PKD1L1: variants seen among roughly 807,000 people sequenced by gnomAD.
PKD1L1 encodes polycystin 1 like 1, transient receptor potential channel interacting, also known as polycystin-1-like protein 1.
A neutral mutation model predicts 323.4 loss-of-function variants in PKD1L1; 236 were observed. That is an observed-to-expected ratio of 0.73 (90% CI 0.66 to 0.81). The LOEUF (loss-of-function observed/expected upper bound fraction) is 0.81, where lower values mean the gene tolerates loss of function less well. Ranked by LOEUF, PKD1L1 falls within the 40% of genes least tolerant of loss-of-function variation. The probability of loss-of-function intolerance (pLI) is 0.00; values close to 1 mark genes in which losing one functional copy is unlikely to be tolerated. For missense variants in PKD1L1, 3,320 were observed against 3,508.0 expected, an observed-to-expected ratio of 0.95 and a Z score of 1.35; for synonymous variants, 1,344 against 1,335.0, an observed-to-expected ratio of 1.01 and a Z score of -0.15.
Position 47,792,765 on chromosome 7 carries a change from T to TAAC in PKD1L1, c.8385_8387dup (p.Leu2796dup), listed in dbSNP as rs771657604. On this transcript the variant is annotated inframe_insertion, in exon 56 of 57. Transcript: ENST00000289672. ...CATTAATCTTCATCAGAAGTTCGTCTAACAGATTTGCAAATTCATCCAAGT... is the reference window on the plus strand; with the variant it reads ...CATTAATCTTCATCAGAAGTTCGTCTAACAACAGATTTGCAAATTCATCCAAGT... 1 of 1,613,830 alleles carries TAAC rather than the reference T, an allele frequency of 6.2e-7. No individual in the cohort carries two copies. Among genetic ancestry groups the TAAC allele is most frequent in the Non-Finnish European group, 8.5e-7 (1 of 1,179,890 alleles).
At chr7:47,876,053 G>A (rs4724654) in intron 23 of PKD1L1, 44 bp downstream of exon 23, 1 of 1,597,214 alleles carries the variant, frequency 6.3e-7, no homozygotes, top group Non-Finnish European at 8.6e-7. Context: ...GTTTAGAACT[G>A]TAGGTTGGCA....
intron 26 of PKD1L1, among the ~76,000 whole-genome samples, 176 bp downstream of exon 26, chr7:47,865,040 C>G (rs1433973980): frequency 6.6e-6 from 1 of 152,022 alleles, no homozygotes; most frequent in African/African-American, 2.4e-5. Context: ...TTCCAAATTT[C>G]TATATTCAAA....
chr7:47,899,913 ACC>A lies in PKD1L1; in HGVS notation c.2065-1721_2065-1720del, dbSNP rs1787045712. Among the ~76,000 whole-genome samples, 3 of 135,200 alleles carry A rather than the reference ACC, an allele frequency of 2.2e-5. No homozygotes were observed. In the South Asian group the frequency reaches 7.0e-4, roughly 32 times the overall value. 88.7% of individuals were successfully genotyped at this position (135,200 alleles called of 152,430 possible). On this transcript the variant is annotated intron_variant, in intron 13 of 56. Transcript: ENST00000289672. ...GGAGCTTGCAGTGAGCCCAGATTGC[ACC>A]ACTGCACTCCCTCCTAGGCAACAGA...
At chr7:47,921,238 C>CAAAAA (rs139205889) in intron 7 of PKD1L1, among the ~76,000 whole-genome samples, 4 of 79,580 alleles carry the variant, frequency 5.0e-5, no homozygotes, top group African/African-American at 5.2e-5. Context: ...AGACAATTCT[C>CAAAAA]AAAAAAAAAA....
intron 15 of PKD1L1, among the ~76,000 whole-genome samples, chr7:47,892,920 A>G (rs1377073095): frequency 6.6e-6 from 1 of 152,162 alleles, no homozygotes; most frequent in Non-Finnish European, 1.5e-5. Flanking sequence ...AAGAAAAAGT[A>G]AAAGATGCTG....
chr7:47,804,469 AT>A (rs71966592), intron 52 of PKD1L1, among the ~76,000 whole-genome samples: 9,049 of 122,562 alleles, frequency 0.074, 254 homozygotes, highest in East Asian at 0.19. Flanking sequence ...TACATTTTTA[AT>A]TTTTTTTTTT....
chr7:47,877,281 C>A (rs572833102), intron 22 of PKD1L1, among the ~76,000 whole-genome samples: 90 of 152,294 alleles, frequency 5.9e-4, no homozygotes, highest in African/African-American at 2.0e-3. Flanking sequence ...TGAACCTTCT[C>A]AACCAGGGGG....
rs773715080 is a variant in PKD1L1 at position 47,890,704 on chromosome 7, G to A, written c.2513C>T (p.Thr838Ile). ...SPAHPCFDSS[T>I]AHQLDAAAPT... ...AGCCGCGGCATCCAGTTGGTGTGCA[G>A]TGGAGGAGTCGAAGCAGGGATGTGC... The change falls in exon 16 of 57, where the codon ACT (threonine) becomes ATT (isoleucine). Residue 838 changes from threonine to isoleucine, a missense_variant. Transcript: ENST00000289672. 6.2e-7 allele frequency: 1 copy of A among 1,613,666 alleles called. No homozygotes were observed. Among genetic ancestry groups the A allele is most frequent in the Non-Finnish European group, 8.5e-7 (1 of 1,180,036 alleles).
intron 21 of PKD1L1, 49 bp from the exon 22 acceptor site, chr7:47,877,680 G>T (rs748399771): frequency 2.5e-6 from 4 of 1,596,628 alleles, no homozygotes; most frequent in Admixed American, 1.7e-5. Flanking sequence ...GAGAATTACA[G>T]CAGCATAGGA....
At chr7:47,834,011 G>A (rs906911047) in intron 40 of PKD1L1, among the ~76,000 whole-genome samples, 3 of 152,300 alleles carry the variant, frequency 2.0e-5, no homozygotes, top group Non-Finnish European at 4.4e-5. Context: ...CGGTCCTGCC[G>A]GTATTTACTG....
At chr7:47,778,132 G>A (rs1249300571) in intron 56 of PKD1L1, among the ~76,000 whole-genome samples, 1 of 152,196 alleles carries the variant, frequency 6.6e-6, no homozygotes, top group African/African-American at 2.4e-5. Context: ...GGCCAGAGGA[G>A]AATCACAAGG....
intron 56 of PKD1L1, among the ~76,000 whole-genome samples, chr7:47,787,686 G>A (rs1217193178): frequency 2.0e-5 from 3 of 152,110 alleles, no homozygotes; most frequent in African/African-American, 4.8e-5. Context: ...TGAGCCATAC[G>A]CCTTTAAAAT....
rs1436556301 is a variant in PKD1L1, at chr7:47,893,903, G to C, written c.2428C>G (p.Pro810Ala). The C allele has an allele frequency of 1.2e-6, 2 of 1,613,840 alleles. No individual in the cohort carries two copies. Among genetic ancestry groups the C allele is most frequent in the Admixed American group, 1.7e-5 (1 of 60,014 alleles). Residue 810 changes from proline to alanine, a missense_variant, in exon 15 of 57, where the codon CCT becomes GCT. Transcript: ENST00000289672. Reference sequence around the variant, plus strand: ...CTGAGAGTCGCCCCAGGGTCGTCAGGGTCGAAGGACTGGGTCCCTCTGAGG... The same window carrying C: ...CTGAGAGTCGCCCCAGGGTCGTCAGCGTCGAAGGACTGGGTCCCTCTGAGG... Reference protein sequence around the residue: ...IVLRGTQSFDPDDPGATLRYH... With the variant: ...IVLRGTQSFDADDPGATLRYH...
At chr7:47,887,217 C>T (rs962476297) in intron 17 of PKD1L1, among the ~76,000 whole-genome samples, 27 of 152,242 alleles carry the variant, frequency 1.8e-4, no homozygotes, top group Non-Finnish European at 4.4e-5. Flanking sequence ...CAAAGCTCTA[C>T]TTGTGGAAGC....
chr7:47,811,299 T>C (rs1475914083), intron 50 of PKD1L1, among the ~76,000 whole-genome samples: 2 of 152,002 alleles, frequency 1.3e-5, no homozygotes, highest in Admixed American at 6.6e-5. Context: ...GGATTACAGG[T>C]GCATGCCACC....
intron 56 of PKD1L1, among the ~76,000 whole-genome samples, chr7:47,786,569 C>A (rs1428285202): frequency 6.6e-6 from 1 of 152,248 alleles, no homozygotes; most frequent in Non-Finnish European, 1.5e-5. Context: ...CAAAAATCCT[C>A]TAGGAGAGAC....
chr7:47,809,519 T>C lies in PKD1L1; in HGVS notation c.7640A>G (p.Asp2547Gly). Reference protein sequence around the residue: ...HLCVQLYRMMDKGVLSYWRKP... With the variant: ...HLCVQLYRMMGKGVLSYWRKP... ...TCGCCAGTAGCTGAGGACGCCCTTG[T>C]CCATCATACGGTAGAGTTGAACACA... The change falls in exon 51 of 57, where the codon GAC becomes GGC. Residue 2547 changes from aspartate (D) to glycine (G), a missense_variant. Physicochemically the swap from Asp to Gly is moderately conservative, Grantham distance 94. Transcript: ENST00000289672. The C allele has an allele frequency of 6.2e-7, 1 of 1,610,082 alleles. No homozygotes were observed. The highest frequency in any genetic ancestry group is 8.5e-7 in the Non-Finnish European group (1 of 1,178,390).
intron 3 of PKD1L1, among the ~76,000 whole-genome samples, chr7:47,937,407 C>A (rs912108914): frequency 6.6e-6 from 1 of 152,136 alleles, no homozygotes; most frequent in Non-Finnish European, 1.5e-5. Flanking sequence ...CAGCAGAAGT[C>A]TCGTGGGGCT....
intron 50 of PKD1L1, among the ~76,000 whole-genome samples, chr7:47,810,914 G>C (rs1298109685): frequency 3.3e-5 from 5 of 152,154 alleles, no homozygotes; most frequent in Non-Finnish European, 7.4e-5. Context: ...GGCTCCTAAG[G>C]AAGTAATCAA....
Sources: allele counts gnomAD v4.1 joint callset (sites outside exome capture counted in the v4.1 genomes callset), GRCh38; gene constraint gnomAD v4.1.1; transcripts MANE v1.5; gene names NCBI Gene and HGNC (gene_info 2026-07-23, HGNC 2026-07-21).